Variants in RMST observed in about 807,000 individuals in gnomAD.
RMST encodes the protein rhabdomyosarcoma 2 associated transcript, also known as long intergenic non-protein coding RNA 54.
rs1243675576 is a variant in RMST at position 97,532,525 on chromosome 12, A to G, written n.1545+1666A>G. Among the ~76,000 whole-genome samples the G allele has an allele frequency of 2.0e-5, 3 of 151,856 alleles. No individual in the cohort carries two copies. In the East Asian group the frequency reaches 5.8e-4, roughly 29 times the overall value. Reference sequence around the variant, plus strand: ...TCCTAAAGTCATATGTTGTTATTTTAACCTAAACCACCATAATATTTTGTG... The same window carrying G: ...TCCTAAAGTCATATGTTGTTATTTTGACCTAAACCACCATAATATTTTGTG... On this transcript the variant is annotated intron_variant and non_coding_transcript_variant, in intron 11 of 13. Coordinates refer to ENST00000640149, the Ensembl canonical transcript of RMST.
intron 10 of RMST, among the ~76,000 whole-genome samples, chr12:97,515,926 T>C (rs1879881914): frequency 6.6e-6 from 1 of 152,068 alleles, no homozygotes; most frequent in African/African-American, 2.4e-5. Context: ...ATTGTGCTAT[T>C]ATTTTAAAAT....
chr12:97,548,516 G>GCTAT (rs4016333), intron 11 of RMST, among the ~76,000 whole-genome samples: 120,586 of 151,506 alleles, frequency 0.8, 48,574 homozygotes, highest in Middle Eastern at 0.91. Context: ...ATGAACATGG[G>GCTAT]CTATTTTAAT....
At chr12:97,563,183 C>T (rs2136680228) in intron 13 of RMST, 1 of 152,564 alleles carries the variant, frequency 6.6e-6, no homozygotes, top group Non-Finnish European at 1.5e-5. Context: ...GATTTCAGTG[C>T]ATAGTATTGT....
chr12:97,535,709 A>G (rs1382423028), intron 11 of RMST, among the ~76,000 whole-genome samples: 1 of 151,644 alleles, frequency 6.6e-6, no homozygotes, highest in African/African-American at 2.4e-5. Context: ...GGATTCTTGC[A>G]AGATGAATTT....
chr12:97,466,223 CATG>C (rs1221000478), intron 5 of RMST, among the ~76,000 whole-genome samples: 1 of 152,068 alleles, frequency 6.6e-6, no homozygotes, highest in Non-Finnish European at 1.5e-5. Flanking sequence ...GCAAAAGTTC[CATG>C]CTTCGGCGTA....
intron 10 of RMST, among the ~76,000 whole-genome samples, chr12:97,511,242 G>A (rs527460461): frequency 1.5e-3 from 221 of 151,354 alleles, no homozygotes; most frequent in African/African-American, 5.1e-3. Context: ...TCCGTCTCCT[G>A]GGTTCAAGTG....
At chr12:97,562,782 T>G (rs1884217932) in intron 13 of RMST, among the ~76,000 whole-genome samples, 1 of 152,180 alleles carries the variant, frequency 6.6e-6, no homozygotes, top group South Asian at 2.1e-4. Context: ...CTATTTCCAG[T>G]CTCTTCCCTG....
At chr12:97,560,255 T>C (rs1413020463) in intron 11 of RMST, among the ~76,000 whole-genome samples, 1 of 152,198 alleles carries the variant, frequency 6.6e-6, no homozygotes, top group Admixed American at 6.5e-5. Flanking sequence ...AGGACTTTCC[T>C]TGTTCATTCC....
intron 4 of RMST, among the ~76,000 whole-genome samples, chr12:97,464,322 AT>A (rs1259872906): frequency 6.6e-6 from 1 of 152,178 alleles, no homozygotes; most frequent in Non-Finnish European, 1.5e-5. Flanking sequence ...GATACAACAC[AT>A]TGTTTAAATG....
chr12:97,512,227 T>G (rs775141389), intron 10 of RMST, among the ~76,000 whole-genome samples: 6 of 152,068 alleles, frequency 3.9e-5, no homozygotes, highest in African/African-American at 1.5e-4. Context: ...TCCCGGTGGG[T>G]TCATGGTCCC....
At chr12:97,552,007 A>G (rs1278500450) in intron 11 of RMST, 1 of 152,208 alleles carries the variant, frequency 6.6e-6, no homozygotes, top group African/African-American at 2.4e-5. Context: ...CATAGGTTGT[A>G]AGAAATCGCT....
At chr12:97,563,406 T>G in intron 13 of RMST, 1 of 225,138 alleles carries the variant, frequency 4.4e-6, no homozygotes, top group Non-Finnish European at 8.8e-6. Context: ...CCAGCATGGG[T>G]ATGTAAGAAA....
chr12:97,465,714 C>G (rs1478799007), exon 5 of RMST: 1 of 152,098 alleles, frequency 6.6e-6, no homozygotes, highest in Non-Finnish European at 1.5e-5. Flanking sequence ...GTGACATCCT[C>G]CTCGAATCAA....
At chr12:97,493,581 G>A (rs765490847) in intron 7 of RMST, among the ~76,000 whole-genome samples, 14 of 152,132 alleles carry the variant, frequency 9.2e-5, no homozygotes, top group African/African-American at 1.2e-4. Context: ...TGATTTCCAC[G>A]TGGAATACTT....
intron 11 of RMST, among the ~76,000 whole-genome samples, chr12:97,559,412 G>C (rs1298904505): frequency 2.0e-5 from 3 of 152,202 alleles, no homozygotes; most frequent in East Asian, 3.9e-4. Flanking sequence ...TGATGTACTG[G>C]TAATCTCCAC....
At chr12:97,523,550 T>C (rs890299191) in intron 10 of RMST, among the ~76,000 whole-genome samples, 2 of 152,240 alleles carry the variant, frequency 1.3e-5, no homozygotes, top group Admixed American at 6.5e-5. Context: ...TATTATACAA[T>C]GTATACATGT....
intron 11 of RMST, among the ~76,000 whole-genome samples, chr12:97,547,041 CA>C (rs150731160): frequency 0.016 from 2,358 of 151,894 alleles, 74 homozygotes; most frequent in African/African-American, 0.054. Context: ...AGTGAGATCA[CA>C]CAGTGTTTGT....
intron 10 of RMST, among the ~76,000 whole-genome samples, chr12:97,521,664 A>G (rs1880527239): frequency 6.6e-6 from 1 of 152,072 alleles, no homozygotes; most frequent in African/African-American, 2.4e-5. Flanking sequence ...TTTCATCACT[A>G]TTTTTGTACT....
intron 5 of RMST, among the ~76,000 whole-genome samples, chr12:97,478,963 C>T (rs1044402032): frequency 1.3e-5 from 2 of 151,998 alleles, no homozygotes; most frequent in Admixed American, 6.6e-5. Context: ...CACTCGGGCA[C>T]CAGTGCTCCG....
Sources: gnomAD v4.1 joint callset for allele counts (sites outside exome capture counted in the v4.1 genomes callset) on GRCh38, gnomAD v4.1.1 for gene constraint, MANE v1.5 for transcripts, NCBI Gene and HGNC (gene_info 2026-07-23, HGNC 2026-07-21) for gene names.